Variants in ZNF148 observed in about 807,000 individuals in gnomAD.
ZNF148 encodes Beta-Enolase Repressor Factor-1.
ZNF148 carries 7 observed loss-of-function variants against 67.7 expected under a neutral mutation model. That is an observed-to-expected ratio of 0.10 (90% confidence interval 0.06 to 0.19). The LOEUF is 0.19. Among genes scored for constraint, ZNF148 ranks in the 10% least tolerant of loss-of-function variants. ZNF148 has a pLI of 1.00. For missense variants in ZNF148, 583 were observed against 947.1 expected (o/e 0.62, Z 5.05); for synonymous variants, 333 against 330.7 (o/e 1.01, Z -0.08).
At chr3:125,360,338 C>T (rs1033293831) in intron 1 of ZNF148, among the ~76,000 whole-genome samples, 1 of 151,954 alleles carries the variant, frequency 6.6e-6, no homozygotes, top group African/African-American at 2.4e-5. Flanking sequence ...CCAGGCTGAG[C>T]GCAGTGGTGC....
At chr3:125,335,716 G>C (rs1488525648) in intron 1 of ZNF148, among the ~76,000 whole-genome samples, 4 of 152,190 alleles carry the variant, frequency 2.6e-5, no homozygotes, top group Non-Finnish European at 2.9e-5. Context: ...CAGATAGGAA[G>C]AGCTTCTTTC....
chr3:125,321,071 C>A (rs1940749632), intron 3 of ZNF148, among the ~76,000 whole-genome samples: 1 of 152,140 alleles, frequency 6.6e-6, no homozygotes, highest in Non-Finnish European at 1.5e-5. Context: ...TAAGCAGAAA[C>A]TACTTCATCT....
intron 7 of ZNF148, among the ~76,000 whole-genome samples, chr3:125,235,910 T>C (rs1936065291): frequency 8.0e-6 from 1 of 124,310 alleles, no homozygotes; most frequent in Non-Finnish European, 1.6e-5. Context: ...TGAGAACACC[T>C]GGACAGAGGA....
Position 125,231,537 on chromosome 3 carries a change from C to T in ZNF148, c.*804G>A, listed in dbSNP as rs1171788944. ...AATGTAATCTACAGAATTTCTTTTA[C>T]TAAAACTTCAAAACCTTGATACCTG... On this transcript the variant is annotated 3_prime_UTR_variant, in exon 9 of 9. Coordinates refer to ENST00000360647, the MANE Select transcript of ZNF148 (RefSeq NM_021964.3). 6.6e-6 allele frequency: 1 copy of T among 152,414 alleles called. No homozygotes were observed. The allele number at this position is 152,414 out of a possible 1,614,324, so 9.4% of individuals were successfully genotyped here.
Position 125,277,863 on chromosome 3 carries a change from A to G in ZNF148, c.584-54T>C, listed in dbSNP as rs1486946928. ...GTTACTGAATAAAACAACGGTTTTT[A>G]GTTACTGTTTCTGAGGAAAGAAAAA... is the stretch of plus-strand genomic sequence containing the variant. On this transcript the variant is annotated intron_variant, in intron 6 of 8. Transcript: ENST00000360647. 2.1e-6 allele frequency: 3 copies of G among 1,460,880 alleles called. No individual in the cohort carries two copies. In the African/African-American group the frequency reaches 4.3e-5, roughly 21 times the overall value. 90.5% of individuals were successfully genotyped at this position (1,460,880 alleles called of 1,614,324 possible). A position where few individuals can be genotyped will look rare whatever the true frequency, so the allele number is the denominator to read the frequency against.
At chr3:125,341,994 C>T (rs371820844) in intron 1 of ZNF148, among the ~76,000 whole-genome samples, 1 of 137,210 alleles carries the variant, frequency 7.3e-6, no homozygotes, top group Non-Finnish European at 1.5e-5. Flanking sequence ...CACTCTGTTT[C>T]GGGGCGGGGG....
intron 7 of ZNF148, among the ~76,000 whole-genome samples, chr3:125,263,031 A>T (rs2107576544): frequency 6.6e-6 from 1 of 152,324 alleles, no homozygotes; most frequent in East Asian, 1.9e-4. Context: ...AACTTAGCAG[A>T]TCCACTTCAG....
intron 7 of ZNF148, among the ~76,000 whole-genome samples, chr3:125,272,285 A>G (rs1937787453): frequency 6.6e-6 from 1 of 152,262 alleles, no homozygotes; most frequent in Admixed American, 6.5e-5. Context: ...TCACATGTTC[A>G]TTCATTCAAT....
At chr3:125,317,684 C>CAT (rs1272315326) in intron 3 of ZNF148, among the ~76,000 whole-genome samples, 3 of 31,280 alleles carry the variant, frequency 9.6e-5, no homozygotes, top group Non-Finnish European at 1.4e-4. Context: ...GAGAGAAATA[C>CAT]ATATACACAC....
rs951925384 is a variant in ZNF148, at chr3:125,236,148, T to G, written c.668-1819A>C. ...ATTATTTTGCATATCTCTATTCTTCTACTAGATTATATTTCTTTAGGTCAG... is the reference window on the plus strand; with the variant it reads ...ATTATTTTGCATATCTCTATTCTTCGACTAGATTATATTTCTTTAGGTCAG... On this transcript the variant is annotated intron_variant, in intron 7 of 8. Coordinates refer to ENST00000360647, the MANE Select transcript of ZNF148 (RefSeq NM_021964.3). Among the ~76,000 whole-genome samples the G allele has an allele frequency of 5.3e-5, 8 of 152,146 alleles. 1 individual carries two copies. Among genetic ancestry groups the G allele is most frequent in the African/African-American group, 1.4e-4 (6 of 41,430 alleles).
chr3:125,258,431 A>AAAT (rs975999380), intron 7 of ZNF148, among the ~76,000 whole-genome samples: 2 of 149,606 alleles, frequency 1.3e-5, no homozygotes, highest in African/African-American at 2.5e-5. Context: ...TCAAAAAAAA[A>AAAT]AAAAAAAAAA....
At chr3:125,255,859 C>T (rs1194011477) in intron 7 of ZNF148, among the ~76,000 whole-genome samples, 1 of 151,398 alleles carries the variant, frequency 6.6e-6, no homozygotes, top group African/African-American at 2.4e-5. Context: ...CTTTTTTTTC[C>T]CTGCCTGTCT....
At chr3:125,278,467 AACCCTTATACTCTG>A (rs1938193019) in intron 6 of ZNF148, among the ~76,000 whole-genome samples, 1 of 152,144 alleles carries the variant, frequency 6.6e-6, no homozygotes, top group Admixed American at 6.5e-5. Flanking sequence ...CTTGCGGTTT[AACCCTTATACTCTG>A]CTTTCTGAAA....
chr3:125,246,812 T>C lies in ZNF148; in HGVS notation c.668-12483A>G, dbSNP rs569847808. On this transcript the variant is annotated intron_variant, in intron 7 of 8. Transcript: ENST00000360647. ...ATAAACTTGAGAAAAGGTGAAACAA[T>C]GACAATTACTAAAATAAATCCATGG... 2.0e-5 allele frequency among the ~76,000 whole-genome samples: 3 copies of C among 152,242 alleles called. No individual in the cohort carries two copies. In the East Asian group the frequency reaches 5.8e-4, roughly 29 times the overall value.
chr3:125,372,405 A>T (rs988461181), intron 1 of ZNF148, among the ~76,000 whole-genome samples: 1 of 152,236 alleles, frequency 6.6e-6, no homozygotes, highest in African/African-American at 2.4e-5. Flanking sequence ...GAATAAAATA[A>T]CTAAAATAAA....
At chr3:125,267,219 A>G (rs936498610) in intron 7 of ZNF148, among the ~76,000 whole-genome samples, 3 of 152,042 alleles carry the variant, frequency 2.0e-5, no homozygotes, top group Non-Finnish European at 4.4e-5. Flanking sequence ...CTACGAAACC[A>G]GTATCATCCT....
intron 5 of ZNF148, among the ~76,000 whole-genome samples, chr3:125,284,822 A>G (rs752548809): frequency 5.9e-5 from 9 of 151,898 alleles, no homozygotes; most frequent in Non-Finnish European, 1.2e-4. Context: ...TACCCTCTTC[A>G]TCAGGCATGC....
intron 7 of ZNF148, among the ~76,000 whole-genome samples, chr3:125,250,251 T>C (rs1936780581): frequency 6.6e-6 from 1 of 152,256 alleles, no homozygotes. Flanking sequence ...ATATATCATG[T>C]TGTATACCTT....
chr3:125,369,024 G>A (rs1457669430), intron 1 of ZNF148, among the ~76,000 whole-genome samples: 4 of 151,400 alleles, frequency 2.6e-5, no homozygotes, highest in Non-Finnish European at 5.9e-5. Context: ...CACTTTGAGA[G>A]GCTAAGGCAG....
Sources: allele counts gnomAD v4.1 joint callset (sites outside exome capture counted in the v4.1 genomes callset), GRCh38; gene constraint gnomAD v4.1.1; transcripts MANE v1.5; gene names NCBI Gene and HGNC (gene_info 2026-07-23, HGNC 2026-07-21).